MAP4: variants seen among roughly 807,000 people sequenced by gnomAD.
The protein encoded by MAP4 is microtubule associated protein 4, also known as microtubule-associated protein 4.
MAP4 carries 76 observed loss-of-function variants against 170.2 expected under a neutral mutation model. The observed-to-expected ratio is 0.45, with a 90% CI of 0.37 to 0.54. The LOEUF is 0.54. Among genes scored for constraint, MAP4 ranks in the 20% least tolerant of loss-of-function variants. The pLI, the probability that MAP4 is intolerant of heterozygous loss-of-function variation, is 0.00. For synonymous variants in MAP4, 909 were observed against 994.5 expected (o/e 0.91, Z 1.62); for missense variants, 2,506 against 2,748.0 (o/e 0.91, Z 1.97).
At chr3:47,891,899 G>A (rs2100024226) in intron 10 of MAP4, 12 of 1,535,980 alleles carry the variant, frequency 7.8e-6, no homozygotes, top group African/African-American at 1.4e-5. Flanking sequence ...TGCTTCCCTT[G>A]AGCCCAGAGA....
At chr3:47,891,050 A>T in intron 10 of MAP4, 1 of 1,500,642 alleles carries the variant, frequency 6.7e-7, no homozygotes, top group Non-Finnish European at 8.8e-7. Context: ...TTCAAACAGG[A>T]ACGATGGAGT....
At chr3:47,876,662 TAGC>T (rs1367662063) in intron 11 of MAP4, among the ~76,000 whole-genome samples, 6 of 152,148 alleles carry the variant, frequency 3.9e-5, no homozygotes. Context: ...GATGGGACAA[TAGC>T]AGCCACAGCC....
At chr3:47,945,756 G>A (rs565409939) in intron 3 of MAP4, among the ~76,000 whole-genome samples, 1 of 151,864 alleles carries the variant, frequency 6.6e-6, no homozygotes, top group East Asian at 1.9e-4. Flanking sequence ...GTCTCACTCT[G>A]TCACCCAGGC....
Position 47,893,898 on chromosome 3 carries a change from C to T in MAP4, c.5434+9052G>A, listed in dbSNP as rs537554850. On this transcript the variant is annotated intron_variant, in intron 10 of 20. Coordinates refer to ENST00000683076, the MANE Select transcript of MAP4 (RefSeq NM_001385682.1). ...AAAATGTAAAGAAATTACCAAGGTCCGCATAGGAAAGCTTGCTAAACTGTA... is the reference window on the plus strand; with the variant it reads ...AAAATGTAAAGAAATTACCAAGGTCTGCATAGGAAAGCTTGCTAAACTGTA... Among the ~76,000 whole-genome samples the T allele has an allele frequency of 5.3e-5, 8 of 151,968 alleles. No individual in the cohort carries two copies. In the South Asian group the frequency reaches 1.7e-3, roughly 32 times the overall value.
intron 1 of MAP4, among the ~76,000 whole-genome samples, chr3:48,055,560 A>G (rs1218598977): frequency 1.4e-5 from 2 of 138,532 alleles, no homozygotes; most frequent in East Asian, 4.3e-4. Context: ...ACTACAACCT[A>G]CACCTCCCAG....
intron 1 of MAP4, among the ~76,000 whole-genome samples, chr3:48,044,560 C>T (rs928374656): frequency 1.3e-5 from 2 of 151,864 alleles, no homozygotes; most frequent in African/African-American, 2.4e-5. Flanking sequence ...GTCAGGAGTT[C>T]GAGACCACCC....
At chr3:48,034,859 A>C (rs559533205) in intron 1 of MAP4, among the ~76,000 whole-genome samples, 138 of 152,016 alleles carry the variant, frequency 9.1e-4, no homozygotes, top group African/African-American at 3.2e-3. Context: ...CAAAATATAC[A>C]AAAATTAGCC....
At chr3:47,987,472 GAAAGTTACA>G in intron 2 of MAP4, 2 of 1,360,312 alleles carry the variant, frequency 1.5e-6, no homozygotes, top group Non-Finnish European at 2.0e-6. Context: ...GAATGTTCTG[GAAAGTTACA>G]TCTAAATCCA....
intron 2 of MAP4, among the ~76,000 whole-genome samples, chr3:47,989,706 A>T (rs933464002): frequency 3.3e-5 from 5 of 152,210 alleles, no homozygotes; most frequent in Admixed American, 6.5e-5. Flanking sequence ...TAAGGTTGAC[A>T]AGTAGAAAAA....
At chr3:47,942,269 A>T (rs2100056995) in intron 3 of MAP4, among the ~76,000 whole-genome samples, 1 of 152,224 alleles carries the variant, frequency 6.6e-6, no homozygotes, top group South Asian at 2.1e-4. Context: ...ATAACAATAA[A>T]AATTAAGAAA....
intron 3 of MAP4, among the ~76,000 whole-genome samples, chr3:47,934,030 T>A (rs1366049381): frequency 6.6e-6 from 1 of 152,128 alleles, no homozygotes; most frequent in Non-Finnish European, 1.5e-5. Flanking sequence ...TTTCAGTAGA[T>A]ATGTAAGGCC....
At chr3:48,045,556 C>G (rs768709153) in intron 1 of MAP4, among the ~76,000 whole-genome samples, 2 of 152,096 alleles carry the variant, frequency 1.3e-5, no homozygotes, top group Non-Finnish European at 2.9e-5. Flanking sequence ...ATCCCCTCCC[C>G]CAGCGTCCCC....
intron 1 of MAP4, among the ~76,000 whole-genome samples, chr3:48,056,672 T>C (rs1483190423): frequency 1.2e-5 from 1 of 84,852 alleles, no homozygotes; most frequent in East Asian, 3.6e-4. Context: ...GGTGGGGGGG[T>C]CAGCCCTCCG....
At chr3:47,861,394 C>G (rs2065616447) in intron 17 of MAP4, among the ~76,000 whole-genome samples, 1 of 149,364 alleles carries the variant, frequency 6.7e-6, no homozygotes, top group Admixed American at 6.7e-5. Flanking sequence ...CACTTTGTCG[C>G]CAGGCTGGAG....
intron 1 of MAP4, among the ~76,000 whole-genome samples, chr3:48,074,910 ATTG>A (rs1286074834): frequency 5.9e-5 from 9 of 152,076 alleles, no homozygotes; most frequent in Non-Finnish European, 1.3e-4. Context: ...AAGATCTGAC[ATTG>A]TTAAGATGGC....
chr3:47,863,873 C>T (rs1020927329), intron 17 of MAP4, among the ~76,000 whole-genome samples: 11 of 147,884 alleles, frequency 7.4e-5, no homozygotes, highest in Admixed American at 6.7e-4. Context: ...TGGAGCCTCT[C>T]ATCCCTGTGG....
upstream of MAP4, among the ~76,000 whole-genome samples, chr3:48,020,048 G>A (rs891967170): frequency 2.1e-4 from 32 of 152,046 alleles, 2 homozygotes; most frequent in South Asian, 2.1e-4. Flanking sequence ...TTTTTGAGAC[G>A]GAGATTTTTG....
At chr3:48,070,523 T>C (rs2100140421) in intron 1 of MAP4, among the ~76,000 whole-genome samples, 2 of 150,250 alleles carry the variant, frequency 1.3e-5, no homozygotes, top group South Asian at 4.3e-4. Flanking sequence ...GGTCTCACTA[T>C]GCTGCTTAGG....
At chr3:47,991,133 G>C (rs886624273) in intron 2 of MAP4, among the ~76,000 whole-genome samples, 1 of 152,160 alleles carries the variant, frequency 6.6e-6, no homozygotes, top group Non-Finnish European at 1.5e-5. Context: ...ATCATACTTA[G>C]AGAAAAAAGC....
Sources: allele counts gnomAD v4.1 joint callset (sites outside exome capture counted in the v4.1 genomes callset), GRCh38; gene constraint gnomAD v4.1.1; transcripts MANE v1.5; gene names NCBI Gene and HGNC (gene_info 2026-07-23, HGNC 2026-07-21).